Variants in EXOC4 observed in about 807,000 individuals in gnomAD.
EXOC4 encodes SEC8-like 1.
A neutral mutation model predicts 107.2 loss-of-function variants in EXOC4; 71 were observed. That is an observed-to-expected ratio of 0.66 (90% CI 0.55 to 0.81). EXOC4 has a LOEUF of 0.81. Among genes scored for constraint, EXOC4 ranks in the 30% least tolerant of loss-of-function variants. The probability of loss-of-function intolerance (pLI) is 0.00; values close to 1 mark genes in which losing one functional copy is unlikely to be tolerated. For synonymous variants in EXOC4, 456 were observed against 441.2 expected (o/e 1.03, Z -0.42); for missense variants, 1,108 against 1,189.6 (o/e 0.93, Z 1.01).
intron 7 of EXOC4, among the ~76,000 whole-genome samples, chr7:133,457,860 A>G (rs1305536548): frequency 2.6e-5 from 4 of 152,150 alleles, no homozygotes; most frequent in Non-Finnish European, 4.4e-5. Context: ...TTTAATCATC[A>G]TAGTACAGTA....
At chr7:133,734,688 G>T (rs1795400931) in intron 10 of EXOC4, among the ~76,000 whole-genome samples, 1 of 151,872 alleles carries the variant, frequency 6.6e-6, no homozygotes, top group African/African-American at 2.4e-5. Flanking sequence ...GACATTCAAA[G>T]GAAATGCTCA....
chr7:133,291,595 C>T (rs1794407550), intron 3 of EXOC4, among the ~76,000 whole-genome samples: 1 of 151,892 alleles, frequency 6.6e-6, no homozygotes, highest in Non-Finnish European at 1.5e-5. Context: ...TTGGGTCAGG[C>T]TGGTCTGGAA....
intron 17 of EXOC4, among the ~76,000 whole-genome samples, chr7:134,029,280 A>G (rs745549251): frequency 1.0e-3 from 159 of 152,198 alleles, no homozygotes; most frequent in Non-Finnish European, 1.7e-3. Flanking sequence ...CCTACAACAT[A>G]CAACATGGGT....
chr7:133,576,471 G>A lies in EXOC4; in HGVS notation c.1418-53574G>A, dbSNP rs775860566. On this transcript the variant is annotated intron_variant, in intron 9 of 17. Transcript: ENST00000253861. ...AAAATTATTTAACCCATTTATAGAGGGCATCTGTCGGTTGCATTTGATTTA... is the reference window on the plus strand; with the variant it reads ...AAAATTATTTAACCCATTTATAGAGAGCATCTGTCGGTTGCATTTGATTTA... 5 of 1,272,502 alleles carry A rather than the reference G, an allele frequency of 3.9e-6. No homozygotes were observed. The South Asian group carries it at 6.4e-5, about 16-fold the overall frequency. 78.8% of individuals were successfully genotyped at this position (1,272,502 alleles called of 1,614,324 possible).
chr7:133,363,629 A>C (rs1378269537), intron 6 of EXOC4, among the ~76,000 whole-genome samples: 2 of 134,390 alleles, frequency 1.5e-5, no homozygotes, highest in South Asian at 2.4e-4. Context: ...AAAAAAAAAA[A>C]CCTACTCTCG....
intron 9 of EXOC4, among the ~76,000 whole-genome samples, chr7:133,509,242 C>T (rs148224531): frequency 0.032 from 4,857 of 152,118 alleles, 134 homozygotes; most frequent in South Asian, 0.11. Flanking sequence ...TCCTGGCTAA[C>T]GTGGTGAAAC....
intron 10 of EXOC4, among the ~76,000 whole-genome samples, chr7:133,777,378 T>C (rs1357801698): frequency 6.6e-6 from 1 of 152,116 alleles, no homozygotes; most frequent in East Asian, 1.9e-4. Context: ...GAAGAAATTA[T>C]CAGGAAACGT....
intron 10 of EXOC4, among the ~76,000 whole-genome samples, chr7:133,711,603 A>G (rs1312829068): frequency 6.6e-6 from 1 of 152,248 alleles, no homozygotes; most frequent in Admixed American, 6.5e-5. Context: ...TGCCATTATC[A>G]TAGTCCTTGA....
chr7:133,502,912 T>G (rs1799600372), intron 9 of EXOC4, among the ~76,000 whole-genome samples: 1 of 152,198 alleles, frequency 6.6e-6, no homozygotes, highest in Admixed American at 6.6e-5. Flanking sequence ...TTCAGTAGAT[T>G]CTAAGATTTT....
At chr7:133,875,666 T>C (rs375808659) in intron 11 of EXOC4, among the ~76,000 whole-genome samples, 2 of 152,162 alleles carry the variant, frequency 1.3e-5, no homozygotes, top group South Asian at 2.1e-4. Flanking sequence ...TTCACACCTT[T>C]TTTTCACTGA....
At chr7:133,481,959 G>A (rs1799168734) in intron 9 of EXOC4, among the ~76,000 whole-genome samples, 1 of 152,172 alleles carries the variant, frequency 6.6e-6, no homozygotes, top group South Asian at 2.1e-4. Context: ...CAGGAGGTAG[G>A]ATTGTGCTCG....
intron 1 of EXOC4, among the ~76,000 whole-genome samples, chr7:133,256,071 T>C (rs1226306574): frequency 6.6e-6 from 1 of 151,974 alleles, no homozygotes; most frequent in Non-Finnish European, 1.5e-5. Context: ...AAGCTCCGCC[T>C]TCCGGGTTCA....
At chr7:133,266,448 C>A (rs1793732415) in intron 1 of EXOC4, among the ~76,000 whole-genome samples, 1 of 152,206 alleles carries the variant, frequency 6.6e-6, no homozygotes, top group Admixed American at 6.5e-5. Context: ...TAAACTGCTT[C>A]TAGAGTGAGA....
chr7:133,764,897 G>T (rs1489995411), intron 10 of EXOC4, among the ~76,000 whole-genome samples: 2 of 151,928 alleles, frequency 1.3e-5, no homozygotes, highest in African/African-American at 4.8e-5. Flanking sequence ...CTGGTTTTAA[G>T]CCCCAGTTGT....
chr7:133,548,214 A>G (rs1158975820), intron 9 of EXOC4, among the ~76,000 whole-genome samples: 4 of 152,062 alleles, frequency 2.6e-5, no homozygotes, highest in East Asian at 3.9e-4. Context: ...TTGCTTGACT[A>G]TAAGGACTCT....
intron 14 of EXOC4, among the ~76,000 whole-genome samples, chr7:133,979,919 C>T (rs1793939068): frequency 2.6e-5 from 4 of 152,156 alleles, no homozygotes; most frequent in South Asian, 2.1e-4. Context: ...TCTCCTCCCA[C>T]GCTGCTCCTC....
rs917953475 is a variant in EXOC4 at position 133,612,363 on chromosome 7, A to G, written c.1418-17682A>G. Among the ~76,000 whole-genome samples, 7 of 152,178 alleles carry G rather than the reference A, an allele frequency of 4.6e-5. No homozygotes were observed. In the East Asian group the frequency reaches 9.6e-4, roughly 21 times the overall value. ...TTAATATTTAAATGATCTTATTTAT[A>G]TTGGATTTTACTCTCTTTATATGCC... On this transcript the variant is annotated intron_variant, in intron 9 of 17. Coordinates refer to ENST00000253861, the MANE Select transcript of EXOC4 (RefSeq NM_021807.4).
chr7:133,885,432 A>G (rs542273811), intron 11 of EXOC4, among the ~76,000 whole-genome samples: 1 of 152,284 alleles, frequency 6.6e-6, no homozygotes, highest in African/African-American at 2.4e-5. Flanking sequence ...CCCTATTCTG[A>G]ATGTGCTGTG....
chr7:133,587,505 G>T (rs1483057572), intron 9 of EXOC4, among the ~76,000 whole-genome samples: 10 of 152,130 alleles, frequency 6.6e-5, no homozygotes, highest in Non-Finnish European at 1.5e-4. Context: ...GACGGGCCTT[G>T]GACAGGTGGG....
Sources: allele counts gnomAD v4.1 joint callset (sites outside exome capture counted in the v4.1 genomes callset), GRCh38; gene constraint gnomAD v4.1.1; transcripts MANE v1.5; gene names NCBI Gene and HGNC (gene_info 2026-07-23, HGNC 2026-07-21).